The following CCDC171 variants were observed in gnomAD, a reference collection of about 807,000 sequenced individuals.
CCDC171 encodes coiled-coil domain containing 171, also known as coiled-coil domain-containing protein 171.
A neutral mutation model predicts 168.2 loss-of-function variants in CCDC171; 177 were observed. The observed-to-expected ratio is 1.05, with a 90% CI of 0.93 to 1.19. CCDC171 has a LOEUF of 1.19. Among genes scored for constraint, CCDC171 ranks in the 50% most tolerant of loss-of-function variants. CCDC171 has a pLI of 0.00. For synonymous variants in CCDC171, 687 were observed against 540.8 expected (o/e 1.27, Z -3.75); for missense variants, 1,991 against 1,539.0 (o/e 1.29, Z -4.91).
intron 3 of CCDC171, among the ~76,000 whole-genome samples, chr9:15,576,538 C>T (rs1302953793): frequency 6.6e-6 from 1 of 152,032 alleles, no homozygotes; most frequent in Non-Finnish European, 1.5e-5. Flanking sequence ...AGGATGTAGT[C>T]AAGGAAAAGG....
chr9:15,805,095 G>T (rs1232455293), intron 21 of CCDC171, among the ~76,000 whole-genome samples: 1 of 152,074 alleles, frequency 6.6e-6, no homozygotes, highest in Admixed American at 6.6e-5. Context: ...GGGGTCAGTG[G>T]TAATATCCTC....
intron 21 of CCDC171, among the ~76,000 whole-genome samples, chr9:15,811,542 T>G (rs1207383791): frequency 6.6e-6 from 1 of 152,234 alleles, no homozygotes; most frequent in Non-Finnish European, 1.5e-5. Context: ...TTGGTATAGT[T>G]TAGAAGACAA....
At position 15,678,891 on chromosome 9, in the gene CCDC171, G is replaced by A. The variant is rs191503435; in HGVS notation, c.1210G>A (p.Val404Ile). The change falls in exon 10 of 26, where the codon GTA (valine) becomes ATA (isoleucine). Residue 404 changes from valine (V) to isoleucine (I), a missense_variant. Transcript: ENST00000380701. ...TTGCAGTGAATTACAGGAAGAACTA[G>A]TAATGGTAAGGATAAAAAAGAAAAC... ...KSCSELQEEL[V>I]MAKKHQAFLV... 1.3e-5 allele frequency: 20 copies of A among 1,579,178 alleles called. No individual in the cohort carries two copies. The highest frequency in any genetic ancestry group is 6.9e-5 in the African/African-American group (5 of 72,848).
chr9:15,771,358 G>A (rs1000078876), intron 18 of CCDC171, among the ~76,000 whole-genome samples: 4 of 152,046 alleles, frequency 2.6e-5, no homozygotes, highest in Non-Finnish European at 5.9e-5. Context: ...GCAAAATTTT[G>A]ATAATCTCTT....
chr9:15,655,853 A>G (rs2047885087), intron 7 of CCDC171, among the ~76,000 whole-genome samples: 1 of 152,222 alleles, frequency 6.6e-6, no homozygotes, highest in Non-Finnish European at 1.5e-5. Context: ...TAAAACTAAA[A>G]TGAGATAACC....
the CCDC171 span, among the ~76,000 whole-genome samples, chr9:16,077,009 A>T: frequency 6.6e-6 from 1 of 152,042 alleles, no homozygotes; most frequent in Non-Finnish European, 1.5e-5. Flanking sequence ...TCCTCTTATG[A>T]TATTTTGGAA....
chr9:15,868,496 T>TATGA (rs2061884230), intron 23 of CCDC171, among the ~76,000 whole-genome samples: 1 of 67,378 alleles, frequency 1.5e-5, no homozygotes, highest in Non-Finnish European at 4.3e-5. Context: ...CGTGTGTGTG[T>TATGA]GTGAGAGAGA....
chr9:15,712,318 C>T (rs1476876897), intron 11 of CCDC171, among the ~76,000 whole-genome samples: 1 of 152,222 alleles, frequency 6.6e-6, no homozygotes, highest in Non-Finnish European at 1.5e-5. Flanking sequence ...ATCCCCTTTT[C>T]TCCTTCCTCC....
chr9:15,556,689 T>C (rs2038829191), intron 1 of CCDC171, among the ~76,000 whole-genome samples: 1 of 152,000 alleles, frequency 6.6e-6, no homozygotes. Flanking sequence ...ATTCTGTAGG[T>C]TGCCTGTTCA....
intron 22 of CCDC171, 133 bp from the exon 23 acceptor site, chr9:15,848,760 A>G (rs1006153487): frequency 1.3e-5 from 6 of 471,452 alleles, no homozygotes; most frequent in Non-Finnish European, 1.5e-5. Flanking sequence ...AAAAGTTAAA[A>G]TAAATTAAAA....
the CCDC171 span, among the ~76,000 whole-genome samples, chr9:16,087,681 G>A: frequency 3.3e-5 from 5 of 150,816 alleles, no homozygotes; most frequent in East Asian, 9.8e-4. Flanking sequence ...CACACTGATG[G>A]GTCTTGACTC....
downstream of CCDC171, among the ~76,000 whole-genome samples, chr9:15,978,917 G>T (rs901516164): frequency 6.6e-6 from 1 of 151,986 alleles, no homozygotes; most frequent in Non-Finnish European, 1.5e-5. Context: ...TCTATCCCCT[G>T]GTGACCATAA....
chr9:15,706,690 G>T (rs2052264478), intron 11 of CCDC171, among the ~76,000 whole-genome samples: 1 of 152,126 alleles, frequency 6.6e-6, no homozygotes, highest in Non-Finnish European at 1.5e-5. Flanking sequence ...TAGGATTCAT[G>T]AAAGAAAGTC....
intron 1 of CCDC171, among the ~76,000 whole-genome samples, chr9:16,059,505 CTTTTTT>C (rs869212886): frequency 2.0e-5 from 2 of 101,422 alleles, no homozygotes; most frequent in Non-Finnish European, 3.7e-5. Context: ...TTTTTTTTTT[CTTTTTT>C]TTTTTTTTTT....
chr9:15,869,476 T>A (rs2061935725), intron 23 of CCDC171, among the ~76,000 whole-genome samples: 1 of 151,672 alleles, frequency 6.6e-6, no homozygotes, highest in African/African-American at 2.4e-5. Flanking sequence ...GGTGTTCTTA[T>A]CTGATCATAC....
chr9:15,833,582 T>C (rs2136272441), intron 21 of CCDC171, among the ~76,000 whole-genome samples: 1 of 152,368 alleles, frequency 6.6e-6, no homozygotes, highest in Non-Finnish European at 1.5e-5. Context: ...TATGCAATTT[T>C]ATTATCTTAT....
intron 21 of CCDC171, among the ~76,000 whole-genome samples, chr9:15,843,897 C>A (rs1029939044): frequency 1.3e-5 from 2 of 152,090 alleles, no homozygotes; most frequent in Admixed American, 6.6e-5. Flanking sequence ...TCATTCTTCT[C>A]CCCACTAAAT....
chr9:15,871,984 C>G (rs1475294463), intron 23 of CCDC171, among the ~76,000 whole-genome samples: 1 of 151,926 alleles, frequency 6.6e-6, no homozygotes, highest in African/African-American at 2.4e-5. Context: ...TATTTGAGAA[C>G]ATTTTAGATA....
intron 21 of CCDC171, among the ~76,000 whole-genome samples, chr9:15,822,388 G>C (rs80193076): frequency 0.44 from 65,782 of 150,010 alleles, 14,617 homozygotes; most frequent in African/African-American, 0.46. Flanking sequence ...CCATCAGAGT[G>C]AACAGGCAAC....
Sources: allele counts gnomAD v4.1 joint callset (sites outside exome capture counted in the v4.1 genomes callset), GRCh38; gene constraint gnomAD v4.1.1; transcripts MANE v1.5; gene names NCBI Gene and HGNC (gene_info 2026-07-23, HGNC 2026-07-21).